The following ZNF346 variants were observed in gnomAD, a reference collection of about 807,000 sequenced individuals.
ZNF346 encodes double-stranded RNA-binding zinc finger protein JAZ.
Under a neutral mutation model 33.7 loss-of-function variants are expected in ZNF346, and 23 were observed. The ratio of observed to expected loss-of-function variants is 0.68; its 90% CI spans 0.49 to 0.97. The LOEUF (loss-of-function observed/expected upper bound fraction) is 0.97, where lower values mean the gene tolerates loss of function less well. Ranked by LOEUF, ZNF346 falls within the 50% of genes least tolerant of loss-of-function variation. The probability of loss-of-function intolerance (pLI) is 0.00; values close to 1 mark genes in which losing one functional copy is unlikely to be tolerated. For synonymous variants in ZNF346, 134 were observed against 142.4 expected, an observed-to-expected ratio of 0.94 and a Z score of 0.42; for missense variants, 340 against 371.1, an observed-to-expected ratio of 0.92 and a Z score of 0.69.
downstream of ZNF346, among the ~76,000 whole-genome samples, chr5:177,071,819 T>C (rs1783520042): frequency 6.6e-6 from 1 of 152,034 alleles, no homozygotes; most frequent in Non-Finnish European, 1.5e-5. Flanking sequence ...GGAAGAACAC[T>C]TTCTCCCTCT....
intron 1 of ZNF346, among the ~76,000 whole-genome samples, chr5:177,033,820 G>T (rs2149601272): frequency 6.6e-6 from 1 of 152,200 alleles, no homozygotes; most frequent in South Asian, 2.1e-4. Flanking sequence ...ACCGCACCTG[G>T]CCCAGTTGAT....
chr5:177,022,960 G>C, intron 1 of ZNF346, 47 bp downstream of exon 1: 6 of 1,443,734 alleles, frequency 4.2e-6, no homozygotes, highest in Non-Finnish European at 5.4e-6. Flanking sequence ...CCGCTGCGCG[G>C]CTCGCGGGGA....
At chr5:177,073,017 C>T (rs1783577627) in intron 8 of ZNF346, among the ~76,000 whole-genome samples, 1 of 152,244 alleles carries the variant, frequency 6.6e-6, no homozygotes, top group Admixed American at 6.5e-5. Flanking sequence ...TCACTGGCCC[C>T]CAAGGCCAAG....
chr5:177,060,911 C>G lies in ZNF346; in HGVS notation c.704-1147C>G, dbSNP rs1782427131. On this transcript the variant is annotated intron_variant, in intron 5 of 6. Transcript: ENST00000358149. The stretch of plus-strand genomic sequence containing the variant: ...GGATCACGAAGTCAGGAGATCAAGA[C>G]CATCCTGGCTAACACAGTGAAACCC... 2.6e-5 allele frequency among the ~76,000 whole-genome samples: 4 copies of G among 152,000 alleles called. No individual in the cohort carries two copies. The South Asian group carries it at 8.3e-4, about 32-fold the overall frequency.
chr5:177,052,751 A>C (rs934408146), intron 5 of ZNF346: 7 of 152,170 alleles, frequency 4.6e-5, no homozygotes, highest in Non-Finnish European at 1.0e-4. Context: ...CTAAAACTAC[A>C]CGTACACATG....
At position 177,022,722 on chromosome 5, in the gene ZNF346, G is replaced by A. The variant is rs1020364331; in HGVS notation, c.-17G>A. Reference sequence around the variant, plus strand: ...GGCGCCTGAGAGGCTCTCTACCGGTGAGGGTTTGCGGGGAAGATGGAGTAT... The same window carrying A: ...GGCGCCTGAGAGGCTCTCTACCGGTAAGGGTTTGCGGGGAAGATGGAGTAT... On this transcript the variant is annotated 5_prime_UTR_variant, in exon 1 of 7. Coordinates refer to ENST00000358149, the MANE Select transcript of ZNF346 (RefSeq NM_012279.4). 3.1e-5 allele frequency: 48 copies of A among 1,541,710 alleles called. No homozygotes were observed. The Admixed American group carries it at 6.4e-4, about 21-fold the overall frequency.
chr5:177,024,375 T>C (rs1403135209), intron 1 of ZNF346, among the ~76,000 whole-genome samples: 1 of 151,910 alleles, frequency 6.6e-6, no homozygotes, highest in Non-Finnish European at 1.5e-5. Flanking sequence ...TTTTTGTATT[T>C]TTAGTAGAGA....
chr5:177,023,412 C>G (rs899229324), intron 1 of ZNF346, among the ~76,000 whole-genome samples: 2 of 152,118 alleles, frequency 1.3e-5, no homozygotes, highest in African/African-American at 4.8e-5. Flanking sequence ...CCTGGCTTAC[C>G]CGTTTTTAGC....
At chr5:177,051,498 C>G (rs1480145378) in intron 5 of ZNF346, among the ~76,000 whole-genome samples, 1 of 149,250 alleles carries the variant, frequency 6.7e-6, no homozygotes, top group Non-Finnish European at 1.5e-5. Flanking sequence ...TCAAAAGACT[C>G]TGGAAAGCCA....
downstream of ZNF346, among the ~76,000 whole-genome samples, chr5:177,069,267 G>T (rs1406320989): frequency 6.7e-6 from 1 of 150,040 alleles, no homozygotes; most frequent in East Asian, 1.9e-4. Flanking sequence ...GACCAGCCTA[G>T]CCAACATGGT....
chr5:177,029,131 G>C (rs958811289), intron 1 of ZNF346, among the ~76,000 whole-genome samples: 13 of 152,140 alleles, frequency 8.5e-5, no homozygotes, highest in African/African-American at 2.7e-4. Flanking sequence ...CCAACCATGT[G>C]CTCAGAGGCT....
At chr5:177,070,536 C>T (rs943589494), downstream of ZNF346, among the ~76,000 whole-genome samples, 2 of 152,084 alleles carry the variant, frequency 1.3e-5, no homozygotes, top group African/African-American at 2.4e-5. Context: ...GCTCTGCCAT[C>T]GCAAAGCTGC....
chr5:177,074,700 A>T (rs1475547185), intron 8 of ZNF346, among the ~76,000 whole-genome samples: 1 of 152,146 alleles, frequency 6.6e-6, no homozygotes, highest in Non-Finnish European at 1.5e-5. Flanking sequence ...ACTGAATGAA[A>T]ACGTTCGCTG....
intron 1 of ZNF346, among the ~76,000 whole-genome samples, chr5:177,024,494 G>A (rs748984752): frequency 3.3e-5 from 5 of 152,066 alleles, no homozygotes; most frequent in Admixed American, 1.3e-4. Flanking sequence ...CACCGCACCC[G>A]GCTCTCCTAC....
At position 177,067,958 on chromosome 5, in the gene ZNF346, A is replaced by G. The variant is rs1783315383; in HGVS notation, c.*3359A>G. Among the ~76,000 whole-genome samples, 2 of 152,160 alleles carry G rather than the reference A, an allele frequency of 1.3e-5. No individual in the cohort carries two copies. The highest frequency in any genetic ancestry group is 4.1e-4 in the South Asian group (2 of 4,830). ...CATCTCTACAAAAAATAAAAAATAA[A>G]ATAAATAAAAACCATGGAGAGAAGG... On this transcript the variant is annotated 3_prime_UTR_variant, in exon 7 of 7. Transcript: ENST00000358149.
chr5:177,050,889 T>A lies in ZNF346; in HGVS notation c.656T>A (p.Met219Lys). 6.2e-7 allele frequency: 1 copy of A among 1,614,194 alleles called. No homozygotes were observed. Among genetic ancestry groups the A allele is most frequent in the Non-Finnish European group, 8.5e-7 (1 of 1,180,040 alleles). Reference protein sequence around the residue: ...HRKQETKLKLMARYGRLADPA... With the variant: ...HRKQETKLKLKARYGRLADPA... ...AAACAGGAGACCAAGCTCAAACTAA[T>A]GGCACGCTATGGGCGGCTGGCGGAC... Residue 219 changes from methionine (M) to lysine (K), a missense_variant, in exon 5 of 7, where the codon ATG becomes AAG. Met to Lys is a moderately conservative substitution (Grantham distance 95, BLOSUM62 -1). Transcript: ENST00000358149.
Position 177,041,880 on chromosome 5 carries a change from C to A in ZNF346, c.372+10C>A, listed in dbSNP as rs1490441948. 16 of 1,588,898 alleles carry A rather than the reference C, an allele frequency of 1.0e-5. 1 individual carries two copies. The highest frequency in any genetic ancestry group is 1.4e-5 in the Non-Finnish European group (16 of 1,158,510). ...GCTAGACTCAGATCAGGTAATACAGCTGCCATATTGAGCCCACTTGCTTCA... is the reference window on the plus strand; with the variant it reads ...GCTAGACTCAGATCAGGTAATACAGATGCCATATTGAGCCCACTTGCTTCA... On this transcript the variant is annotated intron_variant, in intron 3 of 6. Transcript: ENST00000358149.
chr5:177,034,519 A>T (rs909702519), intron 1 of ZNF346, among the ~76,000 whole-genome samples: 3 of 151,898 alleles, frequency 2.0e-5, no homozygotes, highest in Non-Finnish European at 4.4e-5. Context: ...GAACCATCAC[A>T]CCCAACCCTT....
chr5:177,033,967 G>C (rs138526000), intron 1 of ZNF346, among the ~76,000 whole-genome samples: 1 of 152,024 alleles, frequency 6.6e-6, no homozygotes, highest in East Asian at 1.9e-4. Flanking sequence ...TTGTAGCCTC[G>C]AGCTCCCAAA....
Sources: allele counts gnomAD v4.1 joint callset (sites outside exome capture counted in the v4.1 genomes callset), GRCh38; gene constraint gnomAD v4.1.1; transcripts MANE v1.5; gene names NCBI Gene and HGNC (gene_info 2026-07-23, HGNC 2026-07-21).